Variants in AP2A1 observed in about 807,000 individuals in gnomAD.
AP2A1 encodes the protein AP-2 complex subunit alpha-1.
A neutral mutation model predicts 107.3 loss-of-function variants in AP2A1; 21 were observed. That is an observed-to-expected ratio of 0.20 (90% CI 0.14 to 0.28). The LOEUF is 0.28. Ranked by LOEUF, AP2A1 falls within the 10% of genes least tolerant of loss-of-function variation. The pLI, the probability that AP2A1 is intolerant of heterozygous loss-of-function variation, is 1.00. For synonymous variants in AP2A1, 602 were observed against 564.8 expected (o/e 1.07, Z -0.93); for missense variants, 873 against 1,307.7 (o/e 0.67, Z 5.13).
At chr19:49,781,918 G>C (rs769208362) in intron 2 of AP2A1, 29 bp from the exon 3 acceptor site, 1 of 1,608,178 alleles carries the variant, frequency 6.2e-7, no homozygotes. Context: ...CTTATTTCTG[G>C]CTCCCCTTTC....
chr19:49,798,337 G>A (rs2073236425), intron 7 of AP2A1, among the ~76,000 whole-genome samples: 3 of 152,150 alleles, frequency 2.0e-5, no homozygotes, highest in African/African-American at 7.2e-5. Flanking sequence ...GCCTGCAGTG[G>A]CCTCTTGCTG....
At position 49,801,765 on chromosome 19, in the gene AP2A1, C is replaced by T. The variant is rs1438813606; in HGVS notation, c.1829C>T (p.Ser610Leu). ...ATGCCGCCCTTCCCCGAGCGCGAGTCGTCCATCCTGGCCAAGCTGAAACGC... is the reference window on the plus strand; with the variant it reads ...ATGCCGCCCTTCCCCGAGCGCGAGTTGTCCATCCTGGCCAAGCTGAAACGC... ...EEMPPFPERE[S>L]SILAKLKRKK... Residue 610 changes from serine (S) to leucine (L), a missense_variant, in exon 14 of 23, where the codon TCG becomes TTG. Transcript: ENST00000354293. 3 of 1,568,228 alleles carry T rather than the reference C, an allele frequency of 1.9e-6. No homozygotes were observed. The highest frequency in any genetic ancestry group is 1.7e-6 in the Non-Finnish European group (2 of 1,159,192).
At position 49,800,072 on chromosome 19, in the gene AP2A1, G is replaced by C; in HGVS notation, c.1377G>C (p.Glu459Asp). The C allele has an allele frequency of 2.5e-6, 4 of 1,614,048 alleles. No individual in the cohort carries two copies. The highest frequency in any genetic ancestry group is 3.4e-6 in the Non-Finnish European group (4 of 1,179,878). The change falls in exon 11 of 23, where the codon GAG becomes GAC. Residue 459 changes from glutamate (E) to aspartate (D), a missense_variant. Around this residue, in one of 4 missense-constraint regions of AP2A1, gnomAD observed 213 missense variants for 443.5 expected, o/e 0.48. Coordinates refer to ENST00000354293, the MANE Select transcript of AP2A1 (RefSeq NM_130787.3). ...GCATTGCGGGCGACTACGTGAGTGA[G>C]GAGGTGTGGTACCGTGTGCTACAGA... is the stretch of plus-strand genomic sequence containing the variant. Reference protein sequence around the residue: ...LIRIAGDYVSEEVWYRVLQIV... With the variant: ...LIRIAGDYVSDEVWYRVLQIV...
At chr19:49,771,952 G>A (rs1199697579) in intron 1 of AP2A1, among the ~76,000 whole-genome samples, 1 of 152,134 alleles carries the variant, frequency 6.6e-6, no homozygotes. Context: ...ACTTCCGGAC[G>A]CCATGGCGGG....
At chr19:49,778,601 C>T (rs1469009801) in intron 1 of AP2A1, among the ~76,000 whole-genome samples, 1 of 151,914 alleles carries the variant, frequency 6.6e-6, no homozygotes, top group East Asian at 1.9e-4. Flanking sequence ...AACAAAAAAA[C>T]CTGCACAGCA....
Position 49,799,396 on chromosome 19 carries a change from G to A in AP2A1, c.1035G>A (p.Leu345=), listed in dbSNP as rs961668857. ...GQFLQHRETN[L]RYLALESMCT... is the part of the protein sequence containing the mutation. ...TCCTGCAGCACCGGGAGACCAACCT[G>A]CGCTACCTGGCCCTGGAGAGCATGT... Residue 345 remains leucine (L), a synonymous_variant, in exon 9 of 23, where the codon CTG becomes CTA. Coordinates refer to ENST00000354293, the MANE Select transcript of AP2A1 (RefSeq NM_130787.3). 6.2e-6 allele frequency: 10 copies of A among 1,612,294 alleles called. No individual in the cohort carries two copies. Among genetic ancestry groups the A allele is most frequent in the African/African-American group, 1.3e-5 (1 of 74,902 alleles).
chr19:49,787,922 T>G (rs962247117), intron 4 of AP2A1, among the ~76,000 whole-genome samples: 2 of 152,126 alleles, frequency 1.3e-5, no homozygotes, highest in Non-Finnish European at 2.9e-5. Flanking sequence ...ACAAGATGTT[T>G]TTCAGGTTCA....
Position 49,767,088 on chromosome 19 carries a change from C to G in AP2A1, c.-46C>G. The G allele has an allele frequency of 6.2e-7, 1 of 1,602,844 alleles. No homozygotes were observed. The highest frequency in any genetic ancestry group is 8.5e-7 in the Non-Finnish European group (1 of 1,176,700). On this transcript the variant is annotated 5_prime_UTR_variant, in exon 1 of 23. Transcript: ENST00000354293. Reference sequence around the variant, plus strand: ...GGTCCCCGCTTGCCAGCCCCCGCTGCTCTGTGCCCTGTCCGGCCAGGCCTG... The same window carrying G: ...GGTCCCCGCTTGCCAGCCCCCGCTGGTCTGTGCCCTGTCCGGCCAGGCCTG...
chr19:49,771,026 A>T (rs2084550732), intron 1 of AP2A1, among the ~76,000 whole-genome samples: 1 of 151,722 alleles, frequency 6.6e-6, no homozygotes, highest in Admixed American at 6.6e-5. Flanking sequence ...TAATTTTTGT[A>T]CTTTTAGTAG....
chr19:49,791,061 C>A (rs1379296872), intron 4 of AP2A1, among the ~76,000 whole-genome samples: 1 of 152,236 alleles, frequency 6.6e-6, no homozygotes, highest in Non-Finnish European at 1.5e-5. Flanking sequence ...AGCCCTCCTG[C>A]CCCATGGCTC....
At chr19:49,773,829 G>A (rs1238634432) in intron 1 of AP2A1, among the ~76,000 whole-genome samples, 1 of 152,190 alleles carries the variant, frequency 6.6e-6, no homozygotes, top group Non-Finnish European at 1.5e-5. Flanking sequence ...CTGGAAGAGG[G>A]AGCTGCCTGT....
At chr19:49,798,739 A>G in intron 7 of AP2A1, 63 bp from the exon 8 acceptor site, 1 of 1,547,490 alleles carries the variant, frequency 6.5e-7, no homozygotes, top group Non-Finnish European at 8.7e-7. Context: ...CATGGCCACC[A>G]CCCCAGCAGG....
At chr19:49,793,376 C>T (rs565516412) in intron 6 of AP2A1, among the ~76,000 whole-genome samples, 16 of 152,170 alleles carry the variant, frequency 1.1e-4, no homozygotes, top group Non-Finnish European at 1.3e-4. Context: ...AACAGGGCCT[C>T]GCGGGCCGAG....
chr19:49,782,121 G>C (rs763251740), intron 3 of AP2A1, 32 bp downstream of exon 3: 2 of 1,340,232 alleles, frequency 1.5e-6, no homozygotes, highest in African/African-American at 1.6e-5. Flanking sequence ...CCAGGGCCTG[G>C]ACTCCTGGGT....
intron 1 of AP2A1, among the ~76,000 whole-genome samples, chr19:49,767,853 C>T (rs1273641): frequency 0.93 from 140,592 of 151,632 alleles, 65,316 homozygotes; most frequent in East Asian, 1. Context: ...GGGAGATTGC[C>T]TAGAAGACAT....
rs562009224 is a variant in AP2A1, at chr19:49,782,526, C to A, written c.280-5C>A. 451 of 1,612,786 alleles carry A rather than the reference C, an allele frequency of 2.8e-4. 6 individuals carry two copies. In the South Asian group the frequency reaches 4.7e-3, roughly 17 times the overall value. On this transcript the variant is annotated splice_polypyrimidine_tract_variant and splice_region_variant and intron_variant, in intron 3 of 22. Coordinates refer to ENST00000354293, the MANE Select transcript of AP2A1 (RefSeq NM_130787.3). ...CCTAGCCATCCACGACCTCCCTCCC[C>A]ACAGGGTTACCTGTTCATTTCTGTG...
Position 49,806,974 on chromosome 19 carries a change from C to G in AP2A1, c.*216C>G. On this transcript the variant is annotated 3_prime_UTR_variant, in exon 23 of 23. Transcript: ENST00000354293. ...GGGGGAGTCCCCCTCCCTCCCTTTC[C>G]CCCCCAAGCACAGAGGGGAGAGGGG... The G allele has an allele frequency of 6.5e-7, 1 of 1,530,304 alleles. No homozygotes were observed. Among genetic ancestry groups the G allele is most frequent in the East Asian group, 2.5e-5 (1 of 40,736 alleles). 94.8% of individuals were successfully genotyped at this position (1,530,304 alleles called of 1,614,324 possible). A position where few individuals can be genotyped will look rare whatever the true frequency, so the allele number is the denominator to read the frequency against.
At chr19:49,782,779 C>A in intron 4 of AP2A1, 55 bp downstream of exon 4, 1 of 1,510,036 alleles carries the variant, frequency 6.6e-7, no homozygotes, top group Non-Finnish European at 8.9e-7. Flanking sequence ...TGAGTCCCAG[C>A]CAAGTGTGAG....
At chr19:49,792,811 G>A (rs1329465232) in intron 5 of AP2A1, among the ~76,000 whole-genome samples, 180 bp from the exon 6 acceptor site, 3 of 152,074 alleles carry the variant, frequency 2.0e-5, no homozygotes, top group Non-Finnish European at 4.4e-5. Context: ...TGGCCATGGC[G>A]CCCGAGGCCC....
Sources: gnomAD v4.1 joint callset for allele counts (sites outside exome capture counted in the v4.1 genomes callset) on GRCh38, gnomAD v4.1.1 for gene constraint, gnomAD v4.1.1 regional missense constraint, MANE v1.5 for transcripts, NCBI Gene and HGNC (gene_info 2026-07-23, HGNC 2026-07-21) for gene names.